The following INPP5A variants were observed in gnomAD, a reference collection of about 807,000 sequenced individuals.
The protein encoded by INPP5A is 43 kDa inositol polyphosphate 5-phophatase.
A neutral mutation model predicts 65.2 loss-of-function variants in INPP5A; 14 were observed. The observed-to-expected ratio is 0.21, with a 90% confidence interval of 0.14 to 0.34. The LOEUF (loss-of-function observed/expected upper bound fraction) is 0.34. INPP5A is among the 10% of genes least tolerant of loss of function. The probability of loss-of-function intolerance (pLI) is 1.00; values close to 1 mark genes in which losing one functional copy is unlikely to be tolerated. For synonymous variants in INPP5A, 207 were observed against 208.3 expected, an observed-to-expected ratio of 0.99 and a Z score of 0.05; for missense variants, 431 against 545.6, an observed-to-expected ratio of 0.79 and a Z score of 2.09.
chr10:132,782,631 AAAT>A lies in INPP5A; in HGVS notation c.*606_*608del, dbSNP rs1565018283. ...ATATATATAAATATATACTTTTTAAAAATAATTTATAAATCTTACCAAAACTTA... is the reference window on the plus strand; with the variant it reads ...ATATATATAAATATATACTTTTTAAAAATTTATAAATCTTACCAAAACTTA... On this transcript the variant is annotated 3_prime_UTR_variant, in exon 16 of 16. Coordinates refer to ENST00000368594, the MANE Select transcript of INPP5A (RefSeq NM_005539.5). This position sits in a 1 kb window ranked among gnomAD's most constrained non-coding sequence, Gnocchi z 4.4. The A allele has an allele frequency of 6.6e-6, 1 of 151,030 alleles. No homozygotes were observed. Among genetic ancestry groups the A allele is most frequent in the Admixed American group, 6.6e-5 (1 of 15,130 alleles). The allele number at this position is 151,030 out of a possible 1,614,324, so 9.4% of individuals were successfully genotyped here. A position where few individuals can be genotyped will look rare whatever the true frequency, so the allele number is the denominator to read the frequency against.
At chr10:132,737,038 T>C (rs542933446) in intron 9 of INPP5A, among the ~76,000 whole-genome samples, 67 of 152,336 alleles carry the variant, frequency 4.4e-4, no homozygotes, top group African/African-American at 1.5e-3. Context: ...GGGATGACTG[T>C]GCAGCTGTCG....
chr10:132,590,849 T>C (rs1041414025), intron 1 of INPP5A, among the ~76,000 whole-genome samples: 1 of 152,130 alleles, frequency 6.6e-6, no homozygotes, highest in African/African-American at 2.4e-5. Flanking sequence ...TGGTCATTGC[T>C]CGCTCCGTGG....
chr10:132,714,929 T>C (rs1845714698), intron 8 of INPP5A, among the ~76,000 whole-genome samples: 1 of 152,224 alleles, frequency 6.6e-6, no homozygotes, highest in Admixed American at 6.5e-5. Flanking sequence ...AGAAGACAAA[T>C]CCCTAATGAG....
intron 2 of INPP5A, among the ~76,000 whole-genome samples, chr10:132,631,413 G>A (rs1027251693): frequency 1.3e-5 from 2 of 152,200 alleles, no homozygotes; most frequent in African/African-American, 4.8e-5. Flanking sequence ...GGTGGGCAGC[G>A]GGGATTTTAA....
chr10:132,635,038 C>G (rs1294527150), intron 2 of INPP5A, among the ~76,000 whole-genome samples: 2 of 152,240 alleles, frequency 1.3e-5, no homozygotes, highest in Non-Finnish European at 2.9e-5. Context: ...GATGAGAGTT[C>G]CAGTCTGTGG....
chr10:132,725,449 A>G (rs543170355), intron 8 of INPP5A, among the ~76,000 whole-genome samples: 1 of 152,232 alleles, frequency 6.6e-6, no homozygotes, highest in East Asian at 1.9e-4. Flanking sequence ...CGGCGGGGCA[A>G]CGCAGAACAA....
chr10:132,618,983 G>A (rs2072077916), intron 2 of INPP5A, among the ~76,000 whole-genome samples: 2 of 152,214 alleles, frequency 1.3e-5, no homozygotes, highest in South Asian at 4.2e-4. Context: ...ATTTGGCCGG[G>A]GACAAATATA....
At chr10:132,726,987 C>T (rs1845997486) in intron 9 of INPP5A, 82 bp downstream of exon 9, 8 of 917,970 alleles carry the variant, frequency 8.7e-6, no homozygotes, top group Middle Eastern at 2.9e-4. Context: ...TGGCCCCTTA[C>T]TGGCACTTTC....
intron 2 of INPP5A, among the ~76,000 whole-genome samples, chr10:132,641,907 C>T (rs1439905917): frequency 2.6e-5 from 4 of 152,234 alleles, no homozygotes; most frequent in South Asian, 2.1e-4. Flanking sequence ...TCTGAAGCGT[C>T]CTCTCACTTC....
At chr10:132,720,058 T>C (rs1280522630) in intron 8 of INPP5A, among the ~76,000 whole-genome samples, 5 of 148,668 alleles carry the variant, frequency 3.4e-5, no homozygotes, top group Admixed American at 2.7e-4. Flanking sequence ...GGTTCTGTGG[T>C]ACCTGGGTTC....
rs186966219 is a variant in INPP5A, at chr10:132,684,324, A to C, written c.307-6068A>C. On this transcript the variant is annotated intron_variant, in intron 4 of 15. Transcript: ENST00000368594. ...CTCATGCCTGTCTCCTGAGAGCTCC[A>C]GCGTCTCTGAGAGAGGTCTGTGTGT... Among the ~76,000 whole-genome samples, 7 of 152,306 alleles carry C rather than the reference A, an allele frequency of 4.6e-5. 1 individual carries two copies. In the East Asian group the frequency reaches 1.3e-3, roughly 29 times the overall value.
intron 8 of INPP5A, among the ~76,000 whole-genome samples, chr10:132,710,690 G>A (rs1479643105): frequency 2.6e-5 from 4 of 151,046 alleles, no homozygotes; most frequent in Admixed American, 6.6e-5. Context: ...TGGAGAGGTA[G>A]GTGTGGATGG....
chr10:132,673,776 A>G (rs558269010), intron 4 of INPP5A, among the ~76,000 whole-genome samples: 1 of 152,336 alleles, frequency 6.6e-6, no homozygotes, highest in South Asian at 2.1e-4. Context: ...TCCAGTGAGG[A>G]CAAACCTCTG....
At position 132,604,458 on chromosome 10, in the gene INPP5A, G is replaced by A. The variant is rs114765498; in HGVS notation, c.76-3457G>A. Among the ~76,000 whole-genome samples the A allele has an allele frequency of 6.8e-3, 1,038 of 152,334 alleles. 9 individuals carry two copies. Among genetic ancestry groups the A allele is most frequent in the African/African-American group, 0.023 (944 of 41,554 alleles). On this transcript the variant is annotated intron_variant, in intron 1 of 15. Coordinates refer to ENST00000368594, the MANE Select transcript of INPP5A (RefSeq NM_005539.5). ...CGAGGATGCAGTCAGACCCTGTTTT[G>A]TTGCCTCTGGAGCATCCTTCTCTTC...
At chr10:132,609,561 C>T (rs1314009535) in intron 2 of INPP5A, among the ~76,000 whole-genome samples, 4 of 152,212 alleles carry the variant, frequency 2.6e-5, no homozygotes, top group Non-Finnish European at 2.9e-5. Context: ...CAGAACCTGC[C>T]GCCTACACAG....
intron 4 of INPP5A, among the ~76,000 whole-genome samples, chr10:132,662,225 C>T (rs979014663): frequency 2.6e-5 from 4 of 152,078 alleles, no homozygotes; most frequent in South Asian, 2.1e-4. Flanking sequence ...GTAAAACATG[C>T]GAAAACATGG....
At chr10:132,720,862 C>T (rs1845860352) in intron 8 of INPP5A, among the ~76,000 whole-genome samples, 1 of 149,466 alleles carries the variant, frequency 6.7e-6, no homozygotes, top group Non-Finnish European at 1.5e-5. Context: ...AGACGGCTGT[C>T]TTCAGGGATC....
At chr10:132,781,713 G>A (rs1237438634) in intron 14 of INPP5A, 148 bp from the exon 15 acceptor site, 3 of 691,618 alleles carry the variant, frequency 4.3e-6, no homozygotes, top group African/African-American at 3.5e-5. Context: ...CAAGGGCCGA[G>A]CTGCCTCTGC....
intron 11 of INPP5A, among the ~76,000 whole-genome samples, chr10:132,756,397 T>C (rs1846617431): frequency 6.6e-6 from 1 of 152,206 alleles, no homozygotes; most frequent in Non-Finnish European, 1.5e-5. Context: ...TGCGTGTACT[T>C]GTATGCACTT....
Sources: gnomAD v4.1 joint callset for allele counts (sites outside exome capture counted in the v4.1 genomes callset) on GRCh38, gnomAD v4.1.1 for gene constraint, Gnocchi (gnomAD v3.1) non-coding constraint, MANE v1.5 for transcripts, NCBI Gene and HGNC (gene_info 2026-07-23, HGNC 2026-07-21) for gene names.